The following SVIL variants were observed in gnomAD, a reference collection of about 807,000 sequenced individuals.
SVIL encodes archvillin.
Under a neutral mutation model 240.4 loss-of-function variants are expected in SVIL, and 101 were observed. That is an observed-to-expected ratio of 0.42 (90% CI 0.36 to 0.50). The LOEUF (loss-of-function observed/expected upper bound fraction) is 0.50, where lower values mean the gene tolerates loss of function less well. Among genes scored for constraint, SVIL ranks in the 20% least tolerant of loss-of-function variants. The pLI is 0.01. For synonymous variants in SVIL, 999 were observed against 1,100.0 expected, an observed-to-expected ratio of 0.91 and a Z score of 1.82; for missense variants, 2,512 against 2,818.7, an observed-to-expected ratio of 0.89 and a Z score of 2.46.
rs111243483 is a variant in SVIL at position 29,533,169 on chromosome 10, T to G, written c.1198A>C (p.Asn400His). Residue 400 changes from asparagine to histidine, a missense_variant, in exon 8 of 38, where the codon AAT becomes CAT. By Grantham distance (68) the Asn-to-His change is moderately conservative. This residue lies in a region of SVIL where 1,443 missense variants were observed against 1,486.6 expected (regional missense o/e 0.97). Transcript: ENST00000355867. Reference protein sequence around the residue: ...ECSWVASATQNVPKPPSLTVL... With the variant: ...ECSWVASATQHVPKPPSLTVL... ...GTCAAGCTGGGAGGTTTGGGGACAT[T>G]CTGGGTGGCTGATGCTACCCAGCTA... 3.8e-5 allele frequency: 62 copies of G among 1,614,192 alleles called. No homozygotes were observed. The African/African-American group carries it at 6.5e-4, about 17-fold the overall frequency.
intron 3 of SVIL, among the ~76,000 whole-genome samples, chr10:29,646,234 A>G (rs2132994946): frequency 6.6e-6 from 1 of 152,316 alleles, no homozygotes; most frequent in South Asian, 2.1e-4. Flanking sequence ...GCAATCTGTG[A>G]TCGTAATTTC....
rs773908640 is a variant in SVIL at position 29,495,072 on chromosome 10, C to T, written c.3754+20G>A. On this transcript the variant is annotated intron_variant, in intron 19 of 37. Coordinates refer to ENST00000355867, the MANE Select transcript of SVIL (RefSeq NM_021738.3). ...TCTGATCAGAAACTGCTTGGCGTGGCCGGGGCCTTGGCGACTTACCTTCCA... is the reference window on the plus strand; with the variant it reads ...TCTGATCAGAAACTGCTTGGCGTGGTCGGGGCCTTGGCGACTTACCTTCCA... The T allele has an allele frequency of 1.2e-6, 2 of 1,600,838 alleles. No individual in the cohort carries two copies. The highest frequency in any genetic ancestry group is 1.7e-6 in the Non-Finnish European group (2 of 1,174,300).
chr10:29,629,614 G>A (rs1958008957), intron 1 of SVIL, among the ~76,000 whole-genome samples: 3 of 128,478 alleles, frequency 2.3e-5, no homozygotes, highest in African/African-American at 7.7e-5. Flanking sequence ...GCTTGGGCAA[G>A]CATTTCTAAC....
chr10:29,578,987 G>T (rs760590632), intron 1 of SVIL, among the ~76,000 whole-genome samples: 15 of 152,188 alleles, frequency 9.9e-5, no homozygotes, highest in Non-Finnish European at 2.1e-4. Context: ...GAATCAGGAA[G>T]AACATGCTAA....
At position 29,727,056 on chromosome 10, in the gene SVIL, A is replaced by C. The variant is rs547849751; in HGVS notation, c.-400+8695T>G. Among the ~76,000 whole-genome samples the C allele has an allele frequency of 4.6e-5, 7 of 152,346 alleles. No homozygotes were observed. In the South Asian group the frequency reaches 1.4e-3, roughly 32 times the overall value. On this transcript the variant is annotated intron_variant, in intron 1 of 35. Transcript: ENST00000375400. Reference sequence around the variant, plus strand: ...GCATACACACACACACCACGTGGTTATCAAATGTTAGCTGAACAAAGGAAA... The same window carrying C: ...GCATACACACACACACCACGTGGTTCTCAAATGTTAGCTGAACAAAGGAAA...
At chr10:29,719,931 C>T (rs1963873100) in intron 1 of SVIL, among the ~76,000 whole-genome samples, 1 of 152,104 alleles carries the variant, frequency 6.6e-6, no homozygotes, top group South Asian at 2.1e-4. Context: ...TTATGCCAAA[C>T]CTAATAAAAA....
chr10:29,621,759 G>T (rs2132915038), intron 1 of SVIL, among the ~76,000 whole-genome samples: 1 of 152,252 alleles, frequency 6.6e-6, no homozygotes. Context: ...CATAGCCCAA[G>T]AGTTCTCATC....
At chr10:29,470,022 C>T (rs1371759946) in intron 32 of SVIL, among the ~76,000 whole-genome samples, 1 of 152,234 alleles carries the variant, frequency 6.6e-6, no homozygotes, top group Non-Finnish European at 1.5e-5. Flanking sequence ...CCAAGAGTCA[C>T]TCCCTGGCTC....
intron 1 of SVIL, among the ~76,000 whole-genome samples, chr10:29,705,567 C>T (rs1169703576): frequency 1.3e-5 from 2 of 151,966 alleles, no homozygotes; most frequent in Non-Finnish European, 2.9e-5. Flanking sequence ...TTTGCTGTGC[C>T]TATCAACCCA....
At chr10:29,604,931 A>G (rs1041276640) in intron 1 of SVIL, among the ~76,000 whole-genome samples, 1 of 152,174 alleles carries the variant, frequency 6.6e-6, no homozygotes, top group Admixed American at 6.5e-5. Context: ...AAAACAGTAT[A>G]TACAGGATTA....
chr10:29,685,682 AT>A (rs1961015864), intron 2 of SVIL, among the ~76,000 whole-genome samples: 1 of 152,156 alleles, frequency 6.6e-6, no homozygotes. Flanking sequence ...GATGCTGAGC[AT>A]TTTTTTACAT....
intron 17 of SVIL, among the ~76,000 whole-genome samples, chr10:29,509,972 T>C (rs1949708085): frequency 6.6e-6 from 1 of 152,228 alleles, no homozygotes; most frequent in Non-Finnish European, 1.5e-5. Context: ...GCACAAATAC[T>C]GCTCATTGCA....
intron 32 of SVIL, among the ~76,000 whole-genome samples, chr10:29,469,586 C>A (rs11007604): frequency 6.6e-6 from 1 of 152,186 alleles, no homozygotes; most frequent in Non-Finnish European, 1.5e-5. Flanking sequence ...AGGCAGACCA[C>A]CTTACCGGGG....
chr10:29,732,110 C>T (rs373021965), intron 1 of SVIL, among the ~76,000 whole-genome samples: 62 of 152,318 alleles, frequency 4.1e-4, no homozygotes, highest in Middle Eastern at 3.4e-3. Flanking sequence ...TACACGCCTC[C>T]AATTGGTTAT....
At chr10:29,527,156 A>T in intron 12 of SVIL, 100 bp from the exon 13 acceptor site, 1 of 1,079,628 alleles carries the variant, frequency 9.3e-7, no homozygotes, top group Non-Finnish European at 1.3e-6. Context: ...TTAAATCAAA[A>T]ATTTTAACAG....
intron 17 of SVIL, among the ~76,000 whole-genome samples, chr10:29,509,330 GGAGAGAGAGAGAGAGAGAGAGAGAGA>G (rs66616602): frequency 0.034 from 2,251 of 66,942 alleles, 83 homozygotes; most frequent in South Asian, 0.15. Flanking sequence ...GGAGGGGGAG[GGAGAGAGAGAGAGAGAGAGAGAGAGA>G]GAGAGAGAGA....
intron 26 of SVIL, among the ~76,000 whole-genome samples, chr10:29,485,161 A>G (rs1382650507): frequency 6.6e-6 from 1 of 151,528 alleles, no homozygotes; most frequent in Non-Finnish European, 1.5e-5. Flanking sequence ...TCTCTCCCCT[A>G]TTCCTCCCCC....
In SVIL at chr10:29,470,365, G is replaced by A; in HGVS notation, c.5754C>T (p.Asn1918=). The part of the protein sequence containing the change: ...SRTSMVVLNV[N]KALIYLWHGC... ...CGTGCCACAGGTAGATGAGGGCCTT[G>A]TTGACGTTAAGCACCACCATGGAAG... Residue 1918 remains asparagine (N), a synonymous_variant, in exon 32 of 38, where the codon AAC becomes AAT. Transcript: ENST00000355867. 1 of 1,614,228 alleles carries A rather than the reference G, an allele frequency of 6.2e-7. No individual in the cohort carries two copies.
upstream of SVIL, among the ~76,000 whole-genome samples, chr10:29,638,821 A>T (rs1293731423): frequency 6.6e-6 from 1 of 152,226 alleles, no homozygotes; most frequent in East Asian, 1.9e-4. Context: ...ATCCAAAAAT[A>T]AAAAAGGAAA....
Sources: allele counts gnomAD v4.1 joint callset (sites outside exome capture counted in the v4.1 genomes callset), GRCh38; gene constraint gnomAD v4.1.1; regional missense constraint gnomAD v4.1.1; transcripts MANE v1.5; gene names NCBI Gene and HGNC (gene_info 2026-07-23, HGNC 2026-07-21).